Variants in PRKN observed in about 807,000 individuals in gnomAD.
The protein encoded by PRKN is E3 ubiquitin-protein ligase parkin.
A neutral mutation model predicts 59.5 loss-of-function variants in PRKN; 56 were observed. The ratio of observed to expected loss-of-function variants is 0.94; its 90% confidence interval spans 0.76 to 1.18. The LOEUF (loss-of-function observed/expected upper bound fraction) is 1.18, where lower values mean the gene tolerates loss of function less well. Among genes scored for constraint, PRKN ranks in the 50% most tolerant of loss-of-function variants. The probability of loss-of-function intolerance (pLI) is 0.00; values close to 1 mark genes in which losing one functional copy is unlikely to be tolerated. For missense variants in PRKN, 657 were observed against 596.4 expected (o/e 1.10, Z -1.06); for synonymous variants, 250 against 222.1 (o/e 1.13, Z -1.12).
Position 162,240,862 on chromosome 6 carries a change from T to C in PRKN, c.412+21663A>G, listed in dbSNP as rs146916664. Among the ~76,000 whole-genome samples the C allele has an allele frequency of 3.6e-3, 544 of 152,316 alleles. 7 individuals carry two copies. Among genetic ancestry groups the C allele is most frequent in the Middle Eastern group, 0.01 (3 of 294 alleles). On this transcript the variant is annotated intron_variant, in intron 3 of 11. Transcript: ENST00000366898. The stretch of plus-strand genomic sequence containing the variant: ...TTGGAGGCCTCTTTTTCATATATGA[T>C]GAGTTTTCACTCATATACACTGATA...
chr6:162,612,383 C>T (rs1782225718), intron 1 of PRKN, among the ~76,000 whole-genome samples: 1 of 151,630 alleles, frequency 6.6e-6, no homozygotes, highest in Non-Finnish European at 1.5e-5. Flanking sequence ...AGGGATCAGG[C>T]CGGACGAAGG....
At chr6:161,450,211 C>A (rs1789667446) in intron 9 of PRKN, among the ~76,000 whole-genome samples, 1 of 152,190 alleles carries the variant, frequency 6.6e-6, no homozygotes, top group African/African-American at 2.4e-5. Flanking sequence ...GGAGGACTTG[C>A]CCTGATTGCC....
At chr6:162,376,790 G>GA (rs1170338222) in intron 2 of PRKN, among the ~76,000 whole-genome samples, 14 of 83,134 alleles carry the variant, frequency 1.7e-4, no homozygotes, top group Admixed American at 4.9e-4. Flanking sequence ...GGGGAGGGGA[G>GA]GAGGAGAGAG....
intron 2 of PRKN, among the ~76,000 whole-genome samples, chr6:162,288,760 C>T (rs967926865): frequency 2.6e-5 from 4 of 152,124 alleles, no homozygotes; most frequent in Non-Finnish European, 4.4e-5. Context: ...TACCATGATA[C>T]CATTTATAAA....
At chr6:162,028,143 AGGTGTTATAAAAACTT>A (rs951728856) in intron 5 of PRKN, among the ~76,000 whole-genome samples, 34 of 152,314 alleles carry the variant, frequency 2.2e-4, no homozygotes, top group African/African-American at 7.5e-4. Context: ...TAGAAAAGCC[AGGTGTTATAAAAACTT>A]GGTTGTTTAT....
chr6:161,782,351 A>C (rs1026099858), intron 7 of PRKN, among the ~76,000 whole-genome samples: 2 of 152,190 alleles, frequency 1.3e-5, no homozygotes, highest in Non-Finnish European at 2.9e-5. Flanking sequence ...AGAAGGTGAC[A>C]CATCTATACC....
chr6:161,940,785 TC>T (rs2128242984), intron 6 of PRKN, among the ~76,000 whole-genome samples: 1 of 152,314 alleles, frequency 6.6e-6, no homozygotes, highest in Admixed American at 6.5e-5. Flanking sequence ...ACATTCAGGC[TC>T]CCTGCAGGCG....
intron 7 of PRKN, among the ~76,000 whole-genome samples, chr6:161,667,886 C>T (rs1013329633): frequency 2.0e-5 from 3 of 151,888 alleles, no homozygotes; most frequent in Non-Finnish European, 4.4e-5. Flanking sequence ...TGAGAAAAAC[C>T]TGGGAGGGTT....
At chr6:162,468,016 G>A (rs1179400559) in intron 1 of PRKN, among the ~76,000 whole-genome samples, 2 of 152,100 alleles carry the variant, frequency 1.3e-5, no homozygotes, top group Non-Finnish European at 2.9e-5. Context: ...TAATTAAGCA[G>A]CCTCCCTAAC....
chr6:162,647,947 TGCAAAAAAAAAAAAA>T lies in PRKN; in HGVS notation c.7+79700_7+79714del, dbSNP rs1428260538. ...TAGAACCATCTCTATATGTCCACAG[TGCAAAAAAAAAAAAA>T]AAAAAAAAAAAAAAAGTCTACGGGG... On this transcript the variant is annotated intron_variant, in intron 1 of 11. Coordinates refer to ENST00000366898, the MANE Select transcript of PRKN (RefSeq NM_004562.3). Among the ~76,000 whole-genome samples, 43 of 15,554 alleles carry T rather than the reference TGCAAAAAAAAAAAAA, an allele frequency of 2.8e-3. 1 individual carries two copies. The highest frequency in any genetic ancestry group is 3.8e-3 in the Non-Finnish European group (34 of 9,022). 10.2% of individuals were successfully genotyped at this position (15,554 alleles called of 152,430 possible).
chr6:161,611,702 G>A (rs2128146948), intron 7 of PRKN, among the ~76,000 whole-genome samples: 1 of 152,216 alleles, frequency 6.6e-6, no homozygotes, highest in South Asian at 2.1e-4. Context: ...TTTAAGTTAG[G>A]CCAATTAATA....
chr6:161,645,065 A>G (rs1427908628), intron 7 of PRKN, among the ~76,000 whole-genome samples: 1 of 152,208 alleles, frequency 6.6e-6, no homozygotes, highest in Non-Finnish European at 1.5e-5. Context: ...AATAAGAAAA[A>G]AAAATTCAAA....
In PRKN at chr6:161,377,788, C is replaced by T. The variant is rs921413651; in HGVS notation, c.1167+9006G>A. Among the ~76,000 whole-genome samples the T allele has an allele frequency of 1.3e-4, 20 of 151,580 alleles. No individual in the cohort carries two copies. The highest frequency in any genetic ancestry group is 3.4e-3 in the Middle Eastern group (1 of 294). ...TGTGAGGCCCCAGAGAGCTGTCTTG[C>T]CCCTTCTACCATGTGAGGGTATAGC... On this transcript the variant is annotated intron_variant, in intron 10 of 11. Transcript: ENST00000366898. This position sits in a 1 kb window ranked among gnomAD's most constrained non-coding sequence, Gnocchi z 4.2.
intron 1 of PRKN, among the ~76,000 whole-genome samples, chr6:162,546,828 T>C (rs1001286924): frequency 6.6e-6 from 1 of 152,074 alleles, no homozygotes; most frequent in Non-Finnish European, 1.5e-5. Flanking sequence ...AGACAGTCAG[T>C]GTGTCAGACT....
At chr6:162,150,928 T>A (rs1388482974) in intron 4 of PRKN, among the ~76,000 whole-genome samples, 1 of 152,048 alleles carries the variant, frequency 6.6e-6, no homozygotes, top group East Asian at 1.9e-4. Context: ...TATGAAAAAA[T>A]GCTCAAATGT....
At chr6:161,804,733 A>G (rs1024168345) in intron 6 of PRKN, among the ~76,000 whole-genome samples, 1 of 152,228 alleles carries the variant, frequency 6.6e-6, no homozygotes, top group African/African-American at 2.4e-5. Flanking sequence ...TTCTGCAACA[A>G]TAATAACCAC....
chr6:161,571,837 T>C (rs907939140), intron 7 of PRKN, among the ~76,000 whole-genome samples: 1 of 152,156 alleles, frequency 6.6e-6, no homozygotes, highest in Non-Finnish European at 1.5e-5. Flanking sequence ...TCCCATCCAC[T>C]GAGGGCACTG....
At chr6:162,571,361 AC>A (rs1780321282) in intron 1 of PRKN, 1 of 151,728 alleles carries the variant, frequency 6.6e-6, no homozygotes, top group African/African-American at 2.4e-5. Flanking sequence ...GAAAAAAAGC[AC>A]CTTATGTATC....
chr6:162,299,982 G>C (rs1321793480), intron 2 of PRKN, among the ~76,000 whole-genome samples: 1 of 151,974 alleles, frequency 6.6e-6, no homozygotes, highest in African/African-American at 2.4e-5. Flanking sequence ...TTAGTGCTGA[G>C]TTACACTCAT....
Sources: gnomAD v4.1 joint callset for allele counts (sites outside exome capture counted in the v4.1 genomes callset) on GRCh38, gnomAD v4.1.1 for gene constraint, Gnocchi (gnomAD v3.1) non-coding constraint, MANE v1.5 for transcripts, NCBI Gene and HGNC (gene_info 2026-07-23, HGNC 2026-07-21) for gene names.